SCMH1: variants seen among roughly 807,000 people sequenced by gnomAD.
SCMH1 encodes Scm polycomb group protein homolog 1.
SCMH1 carries 37 observed loss-of-function variants against 70.8 expected under a neutral mutation model. The ratio of observed to expected loss-of-function variants is 0.52; its 90% confidence interval spans 0.40 to 0.69. SCMH1 has a LOEUF of 0.69. Among genes scored for constraint, SCMH1 ranks in the 30% least tolerant of loss-of-function variants. The probability of loss-of-function intolerance (pLI) is 0.00; values close to 1 mark genes in which losing one functional copy is unlikely to be tolerated. For synonymous variants in SCMH1, 292 were observed against 307.4 expected, an observed-to-expected ratio of 0.95 and a Z score of 0.52; for missense variants, 607 against 827.3, an observed-to-expected ratio of 0.73 and a Z score of 3.27.
At chr1:41,069,285 A>G (rs537112819) in intron 10 of SCMH1, among the ~76,000 whole-genome samples, 1 of 152,312 alleles carries the variant, frequency 6.6e-6, no homozygotes, top group East Asian at 1.9e-4. Context: ...GATTAAGAAG[A>G]GTTAAATTCT....
At chr1:41,070,918 T>A (rs1656258547) in intron 9 of SCMH1, among the ~76,000 whole-genome samples, 197 bp from the exon 10 acceptor site, 1 of 152,180 alleles carries the variant, frequency 6.6e-6, no homozygotes. Flanking sequence ...TCTGAATCTA[T>A]ATACAAGCCT....
chr1:41,094,127 G>A (rs1572047167), intron 8 of SCMH1, among the ~76,000 whole-genome samples: 1 of 152,126 alleles, frequency 6.6e-6, no homozygotes, highest in Non-Finnish European at 1.5e-5. Context: ...TCATTTCATC[G>A]CAAAGAATGT....
At chr1:41,166,611 T>C (rs1337018721) in intron 2 of SCMH1, among the ~76,000 whole-genome samples, 2 of 152,082 alleles carry the variant, frequency 1.3e-5, no homozygotes, top group Non-Finnish European at 2.9e-5. Context: ...AGTGGTATTG[T>C]AAATGGGATT....
intron 1 of SCMH1, among the ~76,000 whole-genome samples, chr1:41,217,352 T>C (rs1279459023): frequency 6.6e-6 from 1 of 152,194 alleles, no homozygotes; most frequent in Non-Finnish European, 1.5e-5. Flanking sequence ...GGGTTCTCCT[T>C]GGTGCTTACA....
chr1:41,166,903 G>A (rs537365583), intron 2 of SCMH1, among the ~76,000 whole-genome samples: 36 of 152,184 alleles, frequency 2.4e-4, no homozygotes, highest in African/African-American at 8.7e-4. Context: ...GTAAGAGCGG[G>A]CATCCTTGTC....
chr1:41,149,610 T>A lies in SCMH1; in HGVS notation c.177+2004A>T, dbSNP rs181463677. 3.3e-5 allele frequency among the ~76,000 whole-genome samples: 5 copies of A among 152,306 alleles called. No individual in the cohort carries two copies. The East Asian group carries it at 9.7e-4, about 29-fold the overall frequency. ...TGCATTCCTATAAATCTTCTTGGGC[T>A]TTGTTCCTCGATGCAGTTAAGTTAT... On this transcript the variant is annotated intron_variant, in intron 5 of 14. Coordinates refer to ENST00000337495, the Ensembl canonical transcript of SCMH1.
chr1:41,078,491 C>T (rs1283609862), intron 8 of SCMH1, among the ~76,000 whole-genome samples: 1 of 151,908 alleles, frequency 6.6e-6, no homozygotes, highest in Non-Finnish European at 1.5e-5. Context: ...AGATGAAATA[C>T]AGATGAAATA....
intron 10 of SCMH1, among the ~76,000 whole-genome samples, chr1:41,054,144 T>C (rs1261001661): frequency 6.6e-6 from 1 of 152,044 alleles, no homozygotes; most frequent in African/African-American, 2.4e-5. Flanking sequence ...GCGCCCGGCC[T>C]AAAGGTTCTT....
At chr1:41,173,539 T>C (rs1646922846) in intron 2 of SCMH1, among the ~76,000 whole-genome samples, 2 of 152,156 alleles carry the variant, frequency 1.3e-5, no homozygotes, top group South Asian at 4.1e-4. Context: ...ACAGCTATTA[T>C]GGAAAACAGG....
chr1:41,181,880 C>A (rs991230151), intron 2 of SCMH1, among the ~76,000 whole-genome samples: 1 of 152,154 alleles, frequency 6.6e-6, no homozygotes, highest in Non-Finnish European at 1.5e-5. Flanking sequence ...AATCATGCTG[C>A]TATAAAGACA....
At chr1:41,119,441 A>AC (rs1378787810) in intron 6 of SCMH1, among the ~76,000 whole-genome samples, 2 of 80,114 alleles carry the variant, frequency 2.5e-5, no homozygotes, top group Admixed American at 9.4e-5. Context: ...TTTAGGGCAA[A>AC]AAAAAAACAA....
intron 1 of SCMH1, among the ~76,000 whole-genome samples, chr1:41,223,942 C>T (rs74070725): frequency 0.013 from 1,957 of 152,226 alleles, 41 homozygotes; most frequent in African/African-American, 0.045. Flanking sequence ...TTTAAACTCC[C>T]CAGGATGGTA....
At chr1:41,205,820 C>T (rs955086745) in intron 1 of SCMH1, among the ~76,000 whole-genome samples, 13 of 152,212 alleles carry the variant, frequency 8.5e-5, no homozygotes, top group Non-Finnish European at 5.9e-5. Flanking sequence ...GACGAAGCTT[C>T]CAGAGAAAGG....
chr1:41,145,493 T>C (rs751780209), intron 5 of SCMH1, among the ~76,000 whole-genome samples: 1 of 152,210 alleles, frequency 6.6e-6, no homozygotes, highest in Non-Finnish European at 1.5e-5. Context: ...AATCAGGAAA[T>C]GTGAATCCTT....
At chr1:41,157,827 A>G (rs548788760) in intron 4 of SCMH1, among the ~76,000 whole-genome samples, 6 of 152,320 alleles carry the variant, frequency 3.9e-5, no homozygotes, top group African/African-American at 2.4e-5. Context: ...CCTATCTCCT[A>G]TAACATCCTG....
chr1:41,240,492 T>G (rs1158431552), intron 1 of SCMH1, among the ~76,000 whole-genome samples: 1 of 152,130 alleles, frequency 6.6e-6, no homozygotes, highest in Non-Finnish European at 1.5e-5. Context: ...AATAAAGCAT[T>G]TCCCTCTGCA....
At chr1:41,064,196 C>G (rs1653783397) in intron 10 of SCMH1, among the ~76,000 whole-genome samples, 2 of 152,168 alleles carry the variant, frequency 1.3e-5, no homozygotes, top group South Asian at 4.1e-4. Context: ...ATCCAACACT[C>G]ATTCATAATA....
intron 10 of SCMH1, among the ~76,000 whole-genome samples, chr1:41,052,114 A>G (rs2148724312): frequency 6.6e-6 from 1 of 152,338 alleles, no homozygotes; most frequent in Non-Finnish European, 1.5e-5. Context: ...GCACAGTAAC[A>G]TGCTATACAG....
Position 41,129,757 on chromosome 1 carries a change from A to G in SCMH1, c.413-12747T>C, listed in dbSNP as rs1034218845. ...TCAGTCCTTCTGAGTATATACCCAG[A>G]AATGGAACTGCTGAATCACAGAATT... On this transcript the variant is annotated intron_variant, in intron 6 of 14. Coordinates refer to ENST00000337495, the Ensembl canonical transcript of SCMH1. 1.9e-4 allele frequency among the ~76,000 whole-genome samples: 29 copies of G among 152,300 alleles called. 1 individual carries two copies. The highest frequency in any genetic ancestry group is 6.5e-4 in the African/African-American group (27 of 41,558).
Sources: allele counts gnomAD v4.1 joint callset (sites outside exome capture counted in the v4.1 genomes callset), GRCh38; gene constraint gnomAD v4.1.1; transcripts MANE v1.5; gene names NCBI Gene and HGNC (gene_info 2026-07-23, HGNC 2026-07-21).